Variants in DSC1 observed in about 807,000 individuals in gnomAD.
The protein encoded by DSC1 is desmocollin 1, also known as desmocollin-1.
Under a neutral mutation model 98.8 loss-of-function variants are expected in DSC1, and 79 were observed. That is an observed-to-expected ratio of 0.80 (90% CI 0.67 to 0.96). DSC1 has a LOEUF of 0.96. Among genes scored for constraint, DSC1 ranks in the 50% least tolerant of loss-of-function variants. DSC1 has a pLI of 0.00. For missense variants in DSC1, 1,115 were observed against 1,075.9 expected (o/e 1.04, Z -0.51); for synonymous variants, 405 against 372.1 (o/e 1.09, Z -1.02).
intron 2 of DSC1, 121 bp downstream of exon 2, chr18:31,159,324 A>G (rs1043409986): frequency 1.1e-6 from 1 of 871,164 alleles, no homozygotes; most frequent in African/African-American, 1.7e-5. Flanking sequence ...AAGTGCTGGG[A>G]TTACAGGCGT....
chr18:31,162,191 C>T (rs1169987919), intron 1 of DSC1, among the ~76,000 whole-genome samples: 1 of 152,200 alleles, frequency 6.6e-6, no homozygotes, highest in Non-Finnish European at 1.5e-5. Flanking sequence ...TATGTAATCA[C>T]TGGTAGCAGA....
At position 31,134,120 on chromosome 18, in the gene DSC1, G is replaced by A. The variant is rs144470856; in HGVS notation, c.1887C>T (p.Ala629=). The A allele has an allele frequency of 9.4e-6, 15 of 1,603,246 alleles. No homozygotes were observed. Among genetic ancestry groups the A allele is most frequent in the East Asian group, 2.2e-5 (1 of 44,784 alleles). The part of the protein sequence containing the change: ...WNIEEKDGKT[A]ILRQRQNLDY... ...CAAGATTTTGCCGTTGACGAAGAAT[G>A]GCAGTTTTACCTAGGGAAAAAAAAG... The change falls in exon 13 of 16, where the codon GCC becomes GCT. Residue 629 remains alanine (A), a synonymous_variant. Transcript: ENST00000257198.
In DSC1 at chr18:31,143,748, C is replaced by T; in HGVS notation, c.983G>A (p.Gly328Asp). Residue 328 changes from glycine to aspartate, a missense_variant, in exon 8 of 16, where the codon GGT (glycine) becomes GAT (aspartate). Coordinates refer to ENST00000257198, the MANE Select transcript of DSC1 (RefSeq NM_024421.2). The stretch of plus-strand genomic sequence containing the variant: ...ATTAAATAAACCGAAAGGCTGACCA[C>T]CCATGTCTCGCACTTCCATTATTAA... ...YQLIMEVRDMGGQPFGLFNTG... is the reference protein window; with the variant it reads ...YQLIMEVRDMDGQPFGLFNTG... 6.2e-7 allele frequency: 1 copy of T among 1,603,012 alleles called. No individual in the cohort carries two copies. The highest frequency in any genetic ancestry group is 8.5e-7 in the Non-Finnish European group (1 of 1,174,358).
chr18:31,139,257 ATTGT>A (rs1234513432), intron 11 of DSC1, among the ~76,000 whole-genome samples: 1 of 152,116 alleles, frequency 6.6e-6, no homozygotes, highest in African/African-American at 2.4e-5. Flanking sequence ...GACTTAAGTC[ATTGT>A]TTGACCATTG....
intron 8 of DSC1, among the ~76,000 whole-genome samples, chr18:31,143,380 AT>A (rs140274663): frequency 0.22 from 32,179 of 144,818 alleles, 4,351 homozygotes; most frequent in East Asian, 0.53. Flanking sequence ...CACCAAAAAA[AT>A]AAAATAAAAT....
In DSC1 at chr18:31,155,064, C is replaced by T. The variant is rs1989070200; in HGVS notation, c.472-135G>A. On this transcript the variant is annotated intron_variant, in intron 4 of 15. Coordinates refer to ENST00000257198, the MANE Select transcript of DSC1 (RefSeq NM_024421.2). ...TTCTTTCTTTCTTCTGCTTAGGTGC[C>T]CATTATCTGCCATGTTTTCCGAATT... 4.0e-6 allele frequency: 4 copies of T among 1,001,296 alleles called. No homozygotes were observed. The African/African-American group carries it at 6.6e-5, about 17-fold the overall frequency. The allele number at this position is 1,001,296 out of a possible 1,614,324, so 62.0% of individuals were successfully genotyped here.
At chr18:31,134,220 T>C in intron 12 of DSC1, 90 bp from the exon 13 acceptor site, 1 of 1,466,372 alleles carries the variant, frequency 6.8e-7, no homozygotes, top group Non-Finnish European at 9.1e-7. Flanking sequence ...AGGGAATCAA[T>C]TTAGAATAAA....
At chr18:31,136,546 A>G (rs890110861) in intron 11 of DSC1, among the ~76,000 whole-genome samples, 2 of 152,204 alleles carry the variant, frequency 1.3e-5, no homozygotes, top group Non-Finnish European at 2.9e-5. Context: ...ATTTAAATGG[A>G]AGGCAATCAA....
rs754717248 is a variant in DSC1, at chr18:31,141,989, A to T, written c.1260+10T>A. 3.1e-6 allele frequency: 5 copies of T among 1,590,560 alleles called. No individual in the cohort carries two copies. Among genetic ancestry groups the T allele is most frequent in the African/African-American group, 1.4e-5 (1 of 73,166 alleles). On this transcript the variant is annotated intron_variant, in intron 9 of 15. Coordinates refer to ENST00000257198, the MANE Select transcript of DSC1 (RefSeq NM_024421.2). ...TTTTAAAGCATAGCCTGATTATTTT[A>T]TTTGTTTACCTTGACAACACACAGC...
chr18:31,147,090 T>A lies in DSC1; in HGVS notation c.773-1313A>T, dbSNP rs114765085. On this transcript the variant is annotated intron_variant, in intron 6 of 15. Transcript: ENST00000257198. The stretch of plus-strand genomic sequence containing the variant: ...ACATTTTAAAACAAAGTAGTCAGTC[T>A]TGTTATACCCCTTAGTAGTCTTGGG... Among the ~76,000 whole-genome samples, 1,048 of 152,300 alleles carry A rather than the reference T, an allele frequency of 6.9e-3. 14 individuals carry two copies. Among genetic ancestry groups the A allele is most frequent in the African/African-American group, 0.024 (1,004 of 41,576 alleles).
Position 31,139,766 on chromosome 18 carries a change from C to T in DSC1, c.1645G>A (p.Val549Ile), listed in dbSNP as rs1313057363. The change falls in exon 11 of 16, where the codon GTT (valine) becomes ATT (isoleucine). Residue 549 changes from valine (V) to isoleucine (I), a missense_variant. Coordinates refer to ENST00000257198, the MANE Select transcript of DSC1 (RefSeq NM_024421.2). ...CACTCACCTGCATCCACTGCAACAA[C>T]TGAAATATTGTATTGGTTGTTTTTT... The part of the protein sequence containing the change: ...FVKNNQYNIS[V>I]VAVDAVGRSC... The T allele has an allele frequency of 1.2e-6, 2 of 1,602,536 alleles. No individual in the cohort carries two copies. The highest frequency in any genetic ancestry group is 8.5e-7 in the Non-Finnish European group (1 of 1,175,962).
rs901727356 is a variant in DSC1, at chr18:31,129,552, G to A, written c.*962C>T. 4.6e-5 allele frequency: 7 copies of A among 152,114 alleles called. No individual in the cohort carries two copies. The highest frequency in any genetic ancestry group is 1.4e-4 in the African/African-American group (6 of 41,392). The allele number at this position is 152,114 out of a possible 1,614,324, so 9.4% of individuals were successfully genotyped here. A position where few individuals can be genotyped will look rare whatever the true frequency, so the allele number is the denominator to read the frequency against. Reference sequence around the variant, plus strand: ...AATTTCTGGCATATTCAAGGTGCTAGTCTCTGTATATCAGAGTTGCAGCCT... The same window carrying A: ...AATTTCTGGCATATTCAAGGTGCTAATCTCTGTATATCAGAGTTGCAGCCT... On this transcript the variant is annotated 3_prime_UTR_variant, in exon 16 of 16. Coordinates refer to ENST00000257198, the MANE Select transcript of DSC1 (RefSeq NM_024421.2).
chr18:31,131,544 A>G (rs946084806), intron 15 of DSC1, 50 bp downstream of exon 15: 5 of 1,599,950 alleles, frequency 3.1e-6, no homozygotes, highest in Admixed American at 1.7e-5. Flanking sequence ...CTGATTTATA[A>G]CTAGCATTTA....
Position 31,157,371 on chromosome 18 carries a change from C to T in DSC1, c.351G>A (p.Lys117=). Residue 117 remains lysine (K), a splice_region_variant and synonymous_variant, in exon 3 of 16, where the codon AAG becomes AAA. Coordinates refer to ENST00000257198, the MANE Select transcript of DSC1 (RefSeq NM_024421.2). ...GGCTGCTTAAGCCCTTGCCTTATAC[C>T]TTGTTTTCTCTTGCTGACAGTACAA... ...IKVVLSAREN[K]SPKKRHTKDT... The T allele has an allele frequency of 3.1e-6, 5 of 1,614,062 alleles. No individual in the cohort carries two copies. Among genetic ancestry groups the T allele is most frequent in the Non-Finnish European group, 4.2e-6 (5 of 1,179,976 alleles).
At position 31,133,886 on chromosome 18, in the gene DSC1, C is replaced by T. The variant is rs1988547661; in HGVS notation, c.2116+5G>A. 1.2e-6 allele frequency: 2 copies of T among 1,604,864 alleles called. No homozygotes were observed. The highest frequency in any genetic ancestry group is 4.5e-5 in the East Asian group (2 of 44,684). On this transcript the variant is annotated splice_donor_5th_base_variant and intron_variant, in intron 13 of 15. Transcript: ENST00000257198. The stretch of plus-strand genomic sequence containing the variant: ...ATTCTAGATAATGATACTTAATATA[C>T]TTACATAATAACAATACAGAACCCA...
intron 13 of DSC1, among the ~76,000 whole-genome samples, chr18:31,133,270 G>C (rs1988535590): frequency 6.6e-6 from 1 of 151,920 alleles, no homozygotes; most frequent in South Asian, 2.1e-4. Context: ...CAGAAAGAAA[G>C]AAAGAGAAAA....
chr18:31,150,527 C>A (rs1988980810), intron 5 of DSC1, among the ~76,000 whole-genome samples: 1 of 148,468 alleles, frequency 6.7e-6, no homozygotes, highest in Non-Finnish European at 1.5e-5. Context: ...TTATCATTAT[C>A]ATCACCGCTA....
chr18:31,139,704 A>G (rs774348552), intron 11 of DSC1, 44 bp downstream of exon 11: 11 of 1,493,962 alleles, frequency 7.4e-6, no homozygotes, highest in Non-Finnish European at 9.9e-6. Context: ...TTCCTTAAAA[A>G]CATGTCATAT....
intron 11 of DSC1, among the ~76,000 whole-genome samples, chr18:31,139,126 T>C (rs1988675130): frequency 6.6e-6 from 1 of 152,070 alleles, no homozygotes; most frequent in African/African-American, 2.4e-5. Context: ...AGTGGTTTAC[T>C]GATAGAAATT....
Sources: gnomAD v4.1 joint callset for allele counts (sites outside exome capture counted in the v4.1 genomes callset) on GRCh38, gnomAD v4.1.1 for gene constraint, MANE v1.5 for transcripts, NCBI Gene and HGNC (gene_info 2026-07-23, HGNC 2026-07-21) for gene names.